Variants in LRRC58 observed in about 807,000 individuals in gnomAD.
LRRC58 encodes leucine rich repeat containing 58, also known as leucine-rich repeat-containing protein 58.
In LRRC58, 18 loss-of-function variants were observed where a neutral mutation model predicts 30.6. The observed-to-expected ratio is 0.59, with a 90% CI of 0.41 to 0.87. LRRC58 has a LOEUF of 0.87. Ranked by LOEUF, LRRC58 falls within the 40% of genes least tolerant of loss-of-function variation. The pLI, the probability that LRRC58 is intolerant of heterozygous loss-of-function variation, is 0.00. For missense variants in LRRC58, 420 were observed against 468.4 expected (o/e 0.90, Z 0.95); for synonymous variants, 221 against 206.0 (o/e 1.07, Z -0.62).
rs1412118976 is a variant in LRRC58 at position 120,327,120 on chromosome 3, A to G, written c.*4080T>C. On this transcript the variant is annotated 3_prime_UTR_variant, in exon 4 of 4. Coordinates refer to ENST00000295628, the MANE Select transcript of LRRC58 (RefSeq NM_001099678.2). ...TTGGTGATAAAGGTTTTTGGATGGT[A>G]GTCAGTAGGCCACTCAATAACTTAA... is the stretch of plus-strand genomic sequence containing the variant. The G allele has an allele frequency of 6.6e-6, 1 of 152,222 alleles. No homozygotes were observed. Among genetic ancestry groups the G allele is most frequent in the Non-Finnish European group, 1.5e-5 (1 of 68,048 alleles). The allele number at this position is 152,222 out of a possible 1,614,324, so 9.4% of individuals were successfully genotyped here.
intron 3 of LRRC58, among the ~76,000 whole-genome samples, chr3:120,333,469 G>A (rs2107622040): frequency 6.6e-6 from 1 of 152,342 alleles, no homozygotes; most frequent in East Asian, 1.9e-4. Context: ...TGGGTGGCCA[G>A]AAATGATCCA....
intron 1 of LRRC58, among the ~76,000 whole-genome samples, chr3:120,340,006 G>A (rs907108735): frequency 2.6e-5 from 4 of 151,696 alleles, no homozygotes; most frequent in Non-Finnish European, 4.4e-5. Context: ...GATTACAGGC[G>A]CCCGCCACCA....
intron 3 of LRRC58, among the ~76,000 whole-genome samples, chr3:120,334,163 A>G (rs1021797251): frequency 3.9e-5 from 6 of 152,208 alleles, no homozygotes; most frequent in Admixed American, 1.3e-4. Context: ...CATCTTGATT[A>G]AATCTGATAC....
Position 120,328,753 on chromosome 3 carries a change from T to C in LRRC58, c.*2447A>G, listed in dbSNP as rs1409591905. 6.6e-6 allele frequency: 1 copy of C among 152,150 alleles called. No homozygotes were observed. Among genetic ancestry groups the C allele is most frequent in the Non-Finnish European group, 1.5e-5 (1 of 68,006 alleles). 9.4% of individuals were successfully genotyped at this position (152,150 alleles called of 1,614,324 possible). On this transcript the variant is annotated 3_prime_UTR_variant, in exon 4 of 4. Coordinates refer to ENST00000295628, the MANE Select transcript of LRRC58 (RefSeq NM_001099678.2). ...AGGTAGGAAAAAGAAACAGGGAAAA[T>C]CTTAGAAATTATTAGCTGCTCTTAC...
chr3:120,334,766 G>T, intron 3 of LRRC58, 96 bp downstream of exon 3: 4 of 1,119,868 alleles, frequency 3.6e-6, no homozygotes, highest in Non-Finnish European at 4.9e-6. Flanking sequence ...AAAAATAAAG[G>T]GAACAGAAAC....
chr3:120,348,975 A>G lies in LRRC58; in HGVS notation c.269T>C (p.Leu90Pro). The change falls in exon 1 of 4, where the codon CTG becomes CCG. Residue 90 changes from leucine (L) to proline (P), a missense_variant. By Grantham distance (98) the Leu-to-Pro change is moderately conservative. Around this residue, in one of 2 missense-constraint regions of LRRC58, gnomAD observed 266 missense variants for 251.7 expected, o/e 1.06. Transcript: ENST00000295628. ...GGCCAGCAGCGTGCGCAGGCCGCGC[A>G]GAGCGAGCAGCTCCGGCCCGAGCGC... is the stretch of plus-strand genomic sequence containing the variant. The part of the protein sequence containing the change: ...LTALGPELLA[L>P]RGLRTLLAKN... 6.5e-7 allele frequency: 1 copy of G among 1,536,456 alleles called. No homozygotes were observed. Among genetic ancestry groups the G allele is most frequent in the Non-Finnish European group, 8.7e-7 (1 of 1,145,378 alleles).
In LRRC58 at chr3:120,349,031, C is replaced by A; in HGVS notation, c.213G>T (p.Gln71His). 6.6e-7 allele frequency: 1 copy of A among 1,518,636 alleles called. No homozygotes were observed. Among genetic ancestry groups the A allele is most frequent in the Non-Finnish European group, 8.8e-7 (1 of 1,140,952 alleles). 94.1% of individuals were successfully genotyped at this position (1,518,636 alleles called of 1,614,324 possible). A position where few individuals can be genotyped will look rare whatever the true frequency, so the allele number is the denominator to read the frequency against. The stretch of plus-strand genomic sequence containing the variant: ...ACGCGTTGCCGCTCACGTCCAGCAG[C>A]TGGAGGTGCGGGAAGCCGCTGCCCA... ...RALGSGFPHLQLLDVSGNALT... is the reference protein window; with the variant it reads ...RALGSGFPHLHLLDVSGNALT... Residue 71 changes from glutamine to histidine, a missense_variant, in exon 1 of 4, where the codon CAG (glutamine) becomes CAT (histidine). Gln to His is a conservative substitution (Grantham distance 24, BLOSUM62 0). This residue lies in a region of LRRC58 where 266 missense variants were observed against 251.7 expected (regional missense o/e 1.06). Transcript: ENST00000295628.
chr3:120,334,776 CAG>C lies in LRRC58; in HGVS notation c.907+84_907+85del, dbSNP rs1371920382. Reference sequence around the variant, plus strand: ...AGTGAAAAAATAAAGGGAACAGAAACAGAGACTGCTTTTGTCTGAAAGAAGAC... The same window carrying C: ...AGTGAAAAAATAAAGGGAACAGAAACAGACTGCTTTTGTCTGAAAGAAGAC... On this transcript the variant is annotated intron_variant, in intron 3 of 3. Transcript: ENST00000295628. The C allele has an allele frequency of 8.9e-6, 11 of 1,233,956 alleles. No individual in the cohort carries two copies. In the African/African-American group the frequency reaches 1.2e-4, roughly 14 times the overall value. The allele number at this position is 1,233,956 out of a possible 1,614,324, so 76.4% of individuals were successfully genotyped here. A position where few individuals can be genotyped will look rare whatever the true frequency, so the allele number is the denominator to read the frequency against.
Position 120,324,791 on chromosome 3 carries a change from T to A in LRRC58, c.*6409A>T, listed in dbSNP as rs568124392. ...GCAATATATAAATTTGATATTAATATAATAAACAATAACTTATCCTAAATA... is the reference window on the plus strand; with the variant it reads ...GCAATATATAAATTTGATATTAATAAAATAAACAATAACTTATCCTAAATA... On this transcript the variant is annotated 3_prime_UTR_variant, in exon 4 of 4. Transcript: ENST00000295628. 1 of 152,154 alleles carries A rather than the reference T, an allele frequency of 6.6e-6. No homozygotes were observed. The highest frequency in any genetic ancestry group is 1.5e-5 in the Non-Finnish European group (1 of 68,022). 9.4% of individuals were successfully genotyped at this position (152,154 alleles called of 1,614,324 possible). A position where few individuals can be genotyped will look rare whatever the true frequency, so the allele number is the denominator to read the frequency against.
chr3:120,331,146 G>T lies in LRRC58; in HGVS notation c.*54C>A. On this transcript the variant is annotated 3_prime_UTR_variant, in exon 4 of 4. Transcript: ENST00000295628. ...AGTGAACTTCAAGCTCTATTTTCTT[G>T]TCTAACCATTTTGCTCAGTTTTTTA... The T allele has an allele frequency of 6.8e-7, 1 of 1,469,762 alleles. No homozygotes were observed. Among genetic ancestry groups the T allele is most frequent in the Non-Finnish European group, 9.5e-7 (1 of 1,050,542 alleles). The allele number at this position is 1,469,762 out of a possible 1,614,324, so 91.0% of individuals were successfully genotyped here. A position where few individuals can be genotyped will look rare whatever the true frequency, so the allele number is the denominator to read the frequency against.
Position 120,348,777 on chromosome 3 carries a change from T to G in LRRC58, c.467A>C (p.Gln156Pro). 2 of 1,603,786 alleles carry G rather than the reference T, an allele frequency of 1.2e-6. No homozygotes were observed. The highest frequency in any genetic ancestry group is 1.7e-6 in the Non-Finnish European group (2 of 1,175,848). ...GTTCTCGATCTCAGCCGGGATGCTC[T>G]GCAGTTGGTTGCCGCCCAGGCTCAG... is the stretch of plus-strand genomic sequence containing the variant. The part of the protein sequence containing the change: ...QTLSLGGNQL[Q>P]SIPAEIENLQ... The change falls in exon 1 of 4, where the codon CAG (glutamine) becomes CCG (proline). Residue 156 changes from glutamine to proline, a missense_variant. Physicochemically the swap from Gln to Pro is moderately conservative, Grantham distance 76. This residue lies in a region of LRRC58 where 266 missense variants were observed against 251.7 expected (regional missense o/e 1.06). Transcript: ENST00000295628.
At position 120,348,782 on chromosome 3, in the gene LRRC58, T is replaced by C. The variant is rs1936010445; in HGVS notation, c.462A>G (p.Gln154=). The C allele has an allele frequency of 1.9e-6, 3 of 1,605,462 alleles. No homozygotes were observed. In the African/African-American group the frequency reaches 4.0e-5, roughly 22 times the overall value. The change falls in exon 1 of 4, where the codon CAA becomes CAG. Residue 154 remains glutamine (Q), a synonymous_variant. Coordinates refer to ENST00000295628, the MANE Select transcript of LRRC58 (RefSeq NM_001099678.2). ...ALQTLSLGGN[Q]LQSIPAEIEN... is the part of the protein sequence containing the mutation. ...CGATCTCAGCCGGGATGCTCTGCAG[T>C]TGGTTGCCGCCCAGGCTCAGGGTCT...
rs1935707817 is a variant in LRRC58 at position 120,328,162 on chromosome 3, C to G, written c.*3038G>C. The G allele has an allele frequency of 6.6e-6, 1 of 152,178 alleles. No homozygotes were observed. Among genetic ancestry groups the G allele is most frequent in the Non-Finnish European group, 1.5e-5 (1 of 68,032 alleles). The allele number at this position is 152,178 out of a possible 1,614,324, so 9.4% of individuals were successfully genotyped here. On this transcript the variant is annotated 3_prime_UTR_variant, in exon 4 of 4. Transcript: ENST00000295628. ...CCAGTCGCCTTTGGATTTACCTCCA[C>G]TACTCAAATACTAGAATACTGAGGA...
intron 1 of LRRC58, among the ~76,000 whole-genome samples, chr3:120,345,544 T>C (rs1935957440): frequency 6.6e-6 from 1 of 152,212 alleles, no homozygotes; most frequent in African/African-American, 2.4e-5. Context: ...TAGTTAGCAG[T>C]GTTTGAAGGC....
intron 1 of LRRC58, among the ~76,000 whole-genome samples, chr3:120,336,868 T>C (rs1026698573): frequency 2.0e-5 from 3 of 147,828 alleles, no homozygotes; most frequent in East Asian, 1.9e-4. Flanking sequence ...TATATATTTA[T>C]ATATATTATA....
chr3:120,341,132 A>G (rs893451853), intron 1 of LRRC58, among the ~76,000 whole-genome samples: 1 of 152,234 alleles, frequency 6.6e-6, no homozygotes, highest in African/African-American at 2.4e-5. Context: ...TGGTGAAAAC[A>G]GTTCCTAGGC....
At chr3:120,348,001 G>A (rs1026261446) in intron 1 of LRRC58, among the ~76,000 whole-genome samples, 6 of 152,178 alleles carry the variant, frequency 3.9e-5, no homozygotes, top group Non-Finnish European at 7.3e-5. Flanking sequence ...GATGAATGAA[G>A]CACAGAGAAA....
At position 120,349,181 on chromosome 3, in the gene LRRC58, G is replaced by A. The variant is rs1936021453; in HGVS notation, c.63C>T (p.Leu21=). Residue 21 remains leucine (L), a synonymous_variant, in exon 1 of 4, where the codon CTC becomes CTT. Transcript: ENST00000295628. ...ACTCCAGCGTCTCGGTGGACACGCT[G>A]AGGCGGGACCAGTTCAGTTCGGCCT... ...AGEAELNWSR[L]SVSTETLESE... is the part of the protein sequence containing the mutation. 6.7e-7 allele frequency: 1 copy of A among 1,493,718 alleles called. No individual in the cohort carries two copies. The highest frequency in any genetic ancestry group is 8.8e-7 in the Non-Finnish European group (1 of 1,130,238). The allele number at this position is 1,493,718 out of a possible 1,614,324, so 92.5% of individuals were successfully genotyped here.
chr3:120,339,149 G>A (rs1459749744), intron 1 of LRRC58, among the ~76,000 whole-genome samples: 2 of 151,950 alleles, frequency 1.3e-5, no homozygotes, highest in Non-Finnish European at 2.9e-5. Context: ...GCTTCTTATT[G>A]TGCTCCTCAA....
Sources: gnomAD v4.1 joint callset for allele counts (sites outside exome capture counted in the v4.1 genomes callset) on GRCh38, gnomAD v4.1.1 for gene constraint, gnomAD v4.1.1 regional missense constraint, MANE v1.5 for transcripts, NCBI Gene and HGNC (gene_info 2026-07-23, HGNC 2026-07-21) for gene names.